Variants in GPHN observed in about 807,000 individuals in gnomAD.
GPHN encodes gephyrin.
Under a neutral mutation model 95.5 loss-of-function variants are expected in GPHN, and 17 were observed. The ratio of observed to expected loss-of-function variants is 0.18; its 90% confidence interval spans 0.12 to 0.27. The LOEUF (loss-of-function observed/expected upper bound fraction) is 0.27, where lower values mean the gene tolerates loss of function less well. GPHN is among the 10% of genes least tolerant of loss of function. GPHN has a pLI of 1.00. For synonymous variants in GPHN, 320 were observed against 322.5 expected (o/e 0.99, Z 0.08); for missense variants, 660 against 978.1 (o/e 0.67, Z 4.34).
In GPHN at chr14:67,179,650, C is replaced by T. The variant is rs984569604; in HGVS notation, c.2152C>T (p.Pro718Ser). ...TATACTAACTTGGCATCACCAAGAA[C>T]CACTACCTTGGGCACAGAGTACAGG... ...RCILTWHHQE[P>S]LPWAQSTGNQ... The change falls in exon 22 of 23, where the codon CCA becomes TCA. Residue 718 changes from proline (P) to serine (S), a missense_variant. Pro to Ser is a moderately conservative substitution (Grantham distance 74). Coordinates refer to ENST00000478722, the MANE Select transcript of GPHN (RefSeq NM_020806.5). The T allele has an allele frequency of 1.2e-6, 2 of 1,600,118 alleles. No homozygotes were observed. Among genetic ancestry groups the T allele is most frequent in the Non-Finnish European group, 1.7e-6 (2 of 1,167,264 alleles).
chr14:67,281,783 A>T, the GPHN span, among the ~76,000 whole-genome samples: 3 of 151,728 alleles, frequency 2.0e-5, no homozygotes, highest in African/African-American at 7.3e-5. Flanking sequence ...TTGCCTAAGC[A>T]CACAAAATTG....
intron 2 of GPHN, among the ~76,000 whole-genome samples, chr14:66,693,989 G>T (rs561801126): frequency 1.3e-5 from 2 of 152,228 alleles, no homozygotes; most frequent in Non-Finnish European, 2.9e-5. Flanking sequence ...TGTAGTATTG[G>T]CAAAATAGAC....
chr14:67,199,438 C>T, the GPHN span: 1 of 1,612,928 alleles, frequency 6.2e-7, no homozygotes, highest in Non-Finnish European at 8.5e-7. Flanking sequence ...TTGGGGTCAT[C>T]TTACAAACCC....
At chr14:66,743,994 T>C (rs944722250) in intron 2 of GPHN, among the ~76,000 whole-genome samples, 1 of 152,162 alleles carries the variant, frequency 6.6e-6, no homozygotes, top group Admixed American at 6.5e-5. Flanking sequence ...TTATTTACAC[T>C]ACTACTTCTC....
chr14:67,724,397 T>C, the GPHN span: 1 of 925,316 alleles, frequency 1.1e-6, no homozygotes, highest in Non-Finnish European at 1.7e-6. Context: ...ATAGAGTTTT[T>C]TTTTTTTTTT....
the GPHN span, chr14:67,562,026 G>A: frequency 1.2e-6 from 2 of 1,613,136 alleles, no homozygotes; most frequent in Non-Finnish European, 1.7e-6. Context: ...CCTTCAAGAT[G>A]CGCTAGAAGG....
intron 1 of GPHN, among the ~76,000 whole-genome samples, chr14:66,605,153 A>G (rs566822992): frequency 1.3e-5 from 2 of 152,270 alleles, no homozygotes; most frequent in East Asian, 3.9e-4. Context: ...ATAGTGATGC[A>G]GTGAACATAT....
In GPHN at chr14:66,922,801, A is replaced by C. The variant is rs776521403; in HGVS notation, c.592A>C (p.Thr198Pro). 1.3e-5 allele frequency: 21 copies of C among 1,612,598 alleles called. No homozygotes were observed. The highest frequency in any genetic ancestry group is 8.9e-5 in the East Asian group (4 of 44,814). The change falls in exon 7 of 23, where the codon ACT (threonine) becomes CCT (proline). Residue 198 changes from threonine (T) to proline (P), a missense_variant. Physicochemically the swap from Thr to Pro is conservative, Grantham distance 38. Transcript: ENST00000478722. ...ACCTCCCCCTCTTTCCCCTCCTCCT[A>C]CTACCAGCCCCCATAAACAGACAGA... ...SPPPPLSPPP[T>P]TSPHKQTEDK...
At chr14:66,890,429 A>C (rs1404383788) in intron 5 of GPHN, among the ~76,000 whole-genome samples, 1 of 151,954 alleles carries the variant, frequency 6.6e-6, no homozygotes, top group African/African-American at 2.4e-5. Flanking sequence ...AAAAAAAAAA[A>C]AACCTTTCTA....
chr14:67,301,475 T>C, the GPHN span: 1 of 1,595,848 alleles, frequency 6.3e-7, no homozygotes, highest in Non-Finnish European at 8.6e-7. Flanking sequence ...AGGTAGAAAA[T>C]GGACAGAATA....
intron 2 of GPHN, among the ~76,000 whole-genome samples, chr14:66,713,856 C>T (rs1180681883): frequency 6.6e-6 from 1 of 152,140 alleles, no homozygotes; most frequent in African/African-American, 2.4e-5. Flanking sequence ...GCAACCTCCA[C>T]CTCCCAGGTT....
chr14:67,466,179 T>C, the GPHN span, among the ~76,000 whole-genome samples: 1 of 152,372 alleles, frequency 6.6e-6, no homozygotes, highest in Admixed American at 6.5e-5. Context: ...TGGTGGACCC[T>C]TCTAAACCAG....
intron 16 of GPHN, 51 bp downstream of exon 16, chr14:67,113,222 G>A: frequency 6.8e-7 from 1 of 1,467,416 alleles, no homozygotes; most frequent in Non-Finnish European, 9.6e-7. Context: ...TAAGATAAAG[G>A]TATTTCTGAC....
intron 10 of GPHN, among the ~76,000 whole-genome samples, chr14:67,034,666 A>G (rs565301445): frequency 6.6e-6 from 1 of 152,298 alleles, no homozygotes; most frequent in East Asian, 1.9e-4. Context: ...GACAAAATAT[A>G]GACTTTAGGT....
At chr14:67,585,700 C>A in the GPHN span, 1 of 1,358,586 alleles carries the variant, frequency 7.4e-7, no homozygotes, top group Non-Finnish European at 1.0e-6. Flanking sequence ...TCTTCCTCAA[C>A]ATGGTCTTTT....
At chr14:67,592,847 G>A in the GPHN span, 15 of 594,316 alleles carry the variant, frequency 2.5e-5, no homozygotes, top group South Asian at 1.2e-4. Context: ...GTGCAGTGGC[G>A]CAATCTCGGC....
intron 19 of GPHN, among the ~76,000 whole-genome samples, chr14:67,162,569 C>T (rs115768696): frequency 0.014 from 2,118 of 152,294 alleles, 36 homozygotes; most frequent in African/African-American, 0.047. Flanking sequence ...CTACCAATCA[C>T]GGTTTTTATT....
chr14:67,424,071 C>G, the GPHN span, among the ~76,000 whole-genome samples: 1 of 151,978 alleles, frequency 6.6e-6, no homozygotes, highest in African/African-American at 2.4e-5. Flanking sequence ...AACCCCATTT[C>G]TACTAAAAAT....
chr14:67,312,709 A>G, the GPHN span: 78 of 1,595,356 alleles, frequency 4.9e-5, 1 homozygote, highest in African/African-American at 8.1e-5. Flanking sequence ...GGCTTGTTCC[A>G]GGTAAGACAC....
Sources: allele counts gnomAD v4.1 joint callset (sites outside exome capture counted in the v4.1 genomes callset), GRCh38; gene constraint gnomAD v4.1.1; transcripts MANE v1.5; gene names NCBI Gene and HGNC (gene_info 2026-07-23, HGNC 2026-07-21).